The following UBE2W variants were observed in gnomAD, a reference collection of about 807,000 sequenced individuals.
The protein encoded by UBE2W is ubiquitin-conjugating enzyme E2 W.
Under a neutral mutation model 27.2 loss-of-function variants are expected in UBE2W, and 18 were observed. The observed-to-expected ratio is 0.66, with a 90% CI of 0.46 to 0.98. UBE2W has a LOEUF of 0.98. UBE2W is among the 50% of genes least tolerant of loss of function. The pLI is 0.00. For missense variants in UBE2W, 90 were observed against 180.2 expected (o/e 0.50, Z 2.87); for synonymous variants, 53 against 57.2 (o/e 0.93, Z 0.33).
At chr8:73,875,917 G>C (rs1164008746) in intron 1 of UBE2W, among the ~76,000 whole-genome samples, 1 of 152,082 alleles carries the variant, frequency 6.6e-6, no homozygotes, top group African/African-American at 2.4e-5. Context: ...CCTGGGCGTG[G>C]TGGCCAGCGC....
At chr8:73,843,415 T>C (rs1810628565) in intron 1 of UBE2W, among the ~76,000 whole-genome samples, 1 of 152,118 alleles carries the variant, frequency 6.6e-6, no homozygotes, top group Non-Finnish European at 1.5e-5. Context: ...GGAAGATTAC[T>C]TGCAGCCAGG....
chr8:73,863,231 T>TG (rs1811600443), intron 1 of UBE2W, among the ~76,000 whole-genome samples: 1 of 146,116 alleles, frequency 6.8e-6, no homozygotes, highest in Non-Finnish European at 1.5e-5. Context: ...ATATACACCA[T>TG]GGAATACTAT....
At chr8:73,866,290 A>AAAAAAAAAAATAT (rs1248216873) in intron 1 of UBE2W, among the ~76,000 whole-genome samples, 1 of 43,092 alleles carries the variant, frequency 2.3e-5, no homozygotes, top group African/African-American at 9.9e-5. Context: ...AAAAAAAAAA[A>AAAAAAAAAAATAT]ATATATATAT....
chr8:73,791,210 A>G lies in UBE2W; in HGVS notation c.*2892T>C, dbSNP rs1808175766. On this transcript the variant is annotated 3_prime_UTR_variant, in exon 6 of 6. Transcript: ENST00000602593. ...AATGTATTTTTAAAAAATTCTCTTA[A>G]AAACTGAAAACAATCCTTCTCTCTA... is the stretch of plus-strand genomic sequence containing the variant. The G allele has an allele frequency of 1.0e-6, 1 of 984,790 alleles. No homozygotes were observed. Among genetic ancestry groups the G allele is most frequent in the Non-Finnish European group, 1.2e-6 (1 of 829,484 alleles). 61.0% of individuals were successfully genotyped at this position (984,790 alleles called of 1,614,324 possible).
chr8:73,878,569 T>C (rs1004475413), intron 1 of UBE2W, among the ~76,000 whole-genome samples: 2 of 152,106 alleles, frequency 1.3e-5, no homozygotes, highest in African/African-American at 2.4e-5. Context: ...AACCCTCCTT[T>C]ATCACCCAAC....
At chr8:73,830,238 G>A in intron 2 of UBE2W, 143 bp downstream of exon 2, 1 of 554,656 alleles carries the variant, frequency 1.8e-6, no homozygotes, top group South Asian at 2.9e-5. Flanking sequence ...ATATATAAAT[G>A]CACAGAATAA....
chr8:73,870,892 T>C (rs886861388), intron 1 of UBE2W, among the ~76,000 whole-genome samples: 8 of 132,478 alleles, frequency 6.0e-5, no homozygotes, highest in African/African-American at 1.7e-4. Flanking sequence ...GCATTCCAAA[T>C]AGAGAAAACA....
Position 73,852,391 on chromosome 8 carries a change from T to C in UBE2W, c.16-21919A>G, listed in dbSNP as rs17224982. 4.7e-3 allele frequency among the ~76,000 whole-genome samples: 712 copies of C among 152,328 alleles called. 9 individuals carry two copies. Among genetic ancestry groups the C allele is most frequent in the Non-Finnish European group, 5.5e-3 (371 of 68,034 alleles). ...TAGTTCAGAAGTTATCTGTCTAGTA[T>C]TCAGGAAATGAACACTCCAAATGAA... On this transcript the variant is annotated intron_variant, in intron 1 of 5. Transcript: ENST00000602593.
intron 1 of UBE2W, among the ~76,000 whole-genome samples, chr8:73,863,505 C>T (rs1321805022): frequency 1.3e-5 from 2 of 149,368 alleles, no homozygotes; most frequent in Non-Finnish European, 3.0e-5. Context: ...GTGCAGCGCA[C>T]CAGCATGGCA....
At chr8:73,785,962 GA>G (rs200295929), downstream of UBE2W, among the ~76,000 whole-genome samples, 3,270 of 152,284 alleles carry the variant, frequency 0.021, 119 homozygotes, top group African/African-American at 0.075. Context: ...CATTTTATAT[GA>G]TATGCTTTTC....
At chr8:73,866,732 G>A (rs544910899) in intron 1 of UBE2W, among the ~76,000 whole-genome samples, 1 of 152,040 alleles carries the variant, frequency 6.6e-6, no homozygotes, top group East Asian at 1.9e-4. Context: ...TGACACTATC[G>A]GAAAATGAAA....
At chr8:73,864,368 G>A (rs1811656004) in intron 1 of UBE2W, among the ~76,000 whole-genome samples, 1 of 152,176 alleles carries the variant, frequency 6.6e-6, no homozygotes, top group South Asian at 2.1e-4. Context: ...GTGACAGAGT[G>A]AGACTGTCTC....
Position 73,805,715 on chromosome 8 carries a change from C to A in UBE2W, c.378G>T (p.Pro126=), listed in dbSNP as rs368618542. The change falls in exon 5 of 6, where the codon CCG becomes CCT. Residue 126 remains proline (P), a synonymous_variant. Coordinates refer to ENST00000602593, the MANE Select transcript of UBE2W (RefSeq NM_018299.6). The stretch of plus-strand genomic sequence containing the variant: ...ATGTTCGCACATAAAAAGAATTATC[C>A]GGTGGTCGTCTCTGAAACAAAAAAT... ...LSSCKEKRRP[P]DNSFYVRTCN... 6.6e-7 allele frequency: 1 copy of A among 1,514,590 alleles called. No homozygotes were observed. Among genetic ancestry groups the A allele is most frequent in the South Asian group, 1.4e-5 (1 of 73,688 alleles). 93.8% of individuals were successfully genotyped at this position (1,514,590 alleles called of 1,614,324 possible).
chr8:73,840,807 G>C (rs1810507066), intron 1 of UBE2W, among the ~76,000 whole-genome samples: 1 of 152,064 alleles, frequency 6.6e-6, no homozygotes, highest in African/African-American at 2.4e-5. Context: ...GACACACAGA[G>C]TTCAAACTCG....
chr8:73,793,637 C>A lies in UBE2W; in HGVS notation c.*465G>T, dbSNP rs1274735213. ...TTTTAAAGTAATGTTGGATCCCTCA[C>A]TTTATTTATATTCCCACTATAACCA... On this transcript the variant is annotated 3_prime_UTR_variant, in exon 6 of 6. Coordinates refer to ENST00000602593, the MANE Select transcript of UBE2W (RefSeq NM_018299.6). 1.0e-6 allele frequency: 1 copy of A among 986,538 alleles called. No individual in the cohort carries two copies. The highest frequency in any genetic ancestry group is 1.2e-6 in the Non-Finnish European group (1 of 830,588). 61.1% of individuals were successfully genotyped at this position (986,538 alleles called of 1,614,324 possible).
chr8:73,783,998 G>A (rs536739108), downstream of UBE2W, among the ~76,000 whole-genome samples: 5 of 152,142 alleles, frequency 3.3e-5, no homozygotes, highest in Non-Finnish European at 5.9e-5. Context: ...TGATCTGCCC[G>A]TCTCAGCCTC....
intron 1 of UBE2W, among the ~76,000 whole-genome samples, chr8:73,874,996 G>A (rs1026859883): frequency 5.9e-5 from 9 of 151,850 alleles, no homozygotes; most frequent in African/African-American, 2.2e-4. Flanking sequence ...CCGAGACAGC[G>A]CCACTGCACT....
rs1350496921 is a variant in UBE2W at position 73,820,778 on chromosome 8, AAC to A, written c.210+4367_210+4368del. Among the ~76,000 whole-genome samples the A allele has an allele frequency of 5.0e-4, 70 of 141,238 alleles. 1 individual carries two copies. Among genetic ancestry groups the A allele is most frequent in the African/African-American group, 1.3e-3 (43 of 32,062 alleles). 92.7% of individuals were successfully genotyped at this position (141,238 alleles called of 152,430 possible). A position where few individuals can be genotyped will look rare whatever the true frequency, so the allele number is the denominator to read the frequency against. On this transcript the variant is annotated intron_variant, in intron 3 of 5. Transcript: ENST00000602593. Reference sequence around the variant, plus strand: ...AAACAAACAAACAAACAAACAAACAAACAAAAAAACAAAATAAAAAAACCAAG... The same window carrying A: ...AAACAAACAAACAAACAAACAAACAAAAAAAAACAAAATAAAAAAACCAAG...
At chr8:73,821,293 A>T (rs1382161824) in intron 3 of UBE2W, among the ~76,000 whole-genome samples, 1 of 152,154 alleles carries the variant, frequency 6.6e-6, no homozygotes, top group Non-Finnish European at 1.5e-5. Context: ...TCATTAAAAG[A>T]TGTTAGAAAA....
Sources: allele counts gnomAD v4.1 joint callset (sites outside exome capture counted in the v4.1 genomes callset), GRCh38; gene constraint gnomAD v4.1.1; transcripts MANE v1.5; gene names NCBI Gene and HGNC (gene_info 2026-07-23, HGNC 2026-07-21).